Variants in TAMM41 observed in about 807,000 individuals in gnomAD.
TAMM41 encodes the protein phosphatidate cytidylyltransferase, mitochondrial.
In TAMM41, 36 loss-of-function variants were observed where a neutral mutation model predicts 44.1. That is an observed-to-expected ratio of 0.82 (90% CI 0.63 to 1.08). The LOEUF is 1.08. Among genes scored for constraint, TAMM41 ranks in the 50% least tolerant of loss-of-function variants. The pLI, the probability that TAMM41 is intolerant of heterozygous loss-of-function variation, is 0.00. For missense variants in TAMM41, 417 were observed against 404.3 expected, an observed-to-expected ratio of 1.03 and a Z score of -0.27; for synonymous variants, 164 against 153.1, an observed-to-expected ratio of 1.07 and a Z score of -0.53.
chr3:11,764,981 T>C, the TAMM41 span, among the ~76,000 whole-genome samples: 3 of 152,198 alleles, frequency 2.0e-5, 1 homozygote, highest in East Asian at 5.8e-4. Context: ...ATAAAATGCT[T>C]TGTGACTCAG....
chr3:11,733,588 G>A, the TAMM41 span, among the ~76,000 whole-genome samples: 1 of 151,720 alleles, frequency 6.6e-6, no homozygotes, highest in Non-Finnish European at 1.5e-5. Context: ...TGCCTCCCGG[G>A]TTCATGCCAT....
chr3:11,731,849 C>T, the TAMM41 span, among the ~76,000 whole-genome samples: 18,886 of 151,058 alleles, frequency 0.13, 1,576 homozygotes, highest in East Asian at 0.42. Flanking sequence ...TGGGGTTGCA[C>T]TGTGAGGGGT....
chr3:11,828,364 TATTCAGA>T (rs1340806370), intron 4 of TAMM41, among the ~76,000 whole-genome samples: 1 of 152,192 alleles, frequency 6.6e-6, no homozygotes, highest in Non-Finnish European at 1.5e-5. Context: ...TCCTTAGTAA[TATTCAGA>T]ATTTAGAAGG....
chr3:11,744,676 C>A, the TAMM41 span, among the ~76,000 whole-genome samples: 1 of 151,640 alleles, frequency 6.6e-6, no homozygotes, highest in Non-Finnish European at 1.5e-5. Context: ...GCCTAGGCGA[C>A]AGAGCAAGAC....
chr3:11,828,251 C>T (rs1460992586), intron 4 of TAMM41, among the ~76,000 whole-genome samples: 1 of 152,198 alleles, frequency 6.6e-6, no homozygotes, highest in Non-Finnish European at 1.5e-5. Context: ...ACCTTCATTA[C>T]TCTCTTCTTG....
Position 11,844,033 on chromosome 3 carries a change from C to T in TAMM41, c.314G>A (p.Gly105Asp), listed in dbSNP as rs140510518. The change falls in exon 2 of 8, where the codon GGT becomes GAT. Residue 105 changes from glycine (G) to aspartate (D), a missense_variant. Transcript: ENST00000455809. ...VYYNSLIMCN[G>D]RLIKYGVIST... ...CAAAGGCCAGCAGTCACTTACCCTACCATTACACATGATCAATGAATTGTA... is the reference window on the plus strand; with the variant it reads ...CAAAGGCCAGCAGTCACTTACCCTATCATTACACATGATCAATGAATTGTA... 47 of 1,613,672 alleles carry T rather than the reference C, an allele frequency of 2.9e-5. No homozygotes were observed. Among genetic ancestry groups the T allele is most frequent in the Middle Eastern group, 1.6e-4 (1 of 6,082 alleles).
At chr3:11,755,558 C>T in the TAMM41 span, among the ~76,000 whole-genome samples, 2 of 152,152 alleles carry the variant, frequency 1.3e-5, no homozygotes, top group Admixed American at 6.5e-5. Flanking sequence ...GAACTGCTGC[C>T]GAGCACTCTG....
chr3:11,824,284 G>T (rs1357252096), intron 4 of TAMM41, among the ~76,000 whole-genome samples: 1 of 151,740 alleles, frequency 6.6e-6, no homozygotes, highest in East Asian at 1.9e-4. Flanking sequence ...TCTGCTTCCT[G>T]GGTTCAAGCT....
At chr3:11,722,418 G>A in the TAMM41 span, among the ~76,000 whole-genome samples, 5 of 152,078 alleles carry the variant, frequency 3.3e-5, no homozygotes, top group African/African-American at 7.3e-5. Context: ...GAAGTGGAAC[G>A]TGGCAGACAC....
At chr3:11,729,539 A>ATTTTTTTTTTTTTTTT in the TAMM41 span, among the ~76,000 whole-genome samples, 26 of 32,292 alleles carry the variant, frequency 8.1e-4, 1 homozygote, top group Non-Finnish European at 1.4e-3. Flanking sequence ...TCTTTCTTTC[A>ATTTTTTTTTTTTTTTT]TTTTTTTTTT....
At chr3:11,793,083 A>AAAAAG (rs1553566249) in intron 7 of TAMM41, among the ~76,000 whole-genome samples, 4 of 132,618 alleles carry the variant, frequency 3.0e-5, no homozygotes, top group Non-Finnish European at 6.4e-5. Context: ...AAAAAAAAAA[A>AAAAAG]AGAGAGTGAA....
chr3:11,813,868 A>G lies in TAMM41; in HGVS notation c.708+3324T>C, dbSNP rs369025166. 6.4e-3 allele frequency among the ~76,000 whole-genome samples: 896 copies of G among 138,940 alleles called. 8 individuals carry two copies. The highest frequency in any genetic ancestry group is 0.023 in the African/African-American group (831 of 35,822). 91.2% of individuals were successfully genotyped at this position (138,940 alleles called of 152,430 possible). ...TGTGTGTGTGTGTGTATGTATGTAT[A>G]TATATGTATATATGTATATATGTGT... On this transcript the variant is annotated intron_variant, in intron 5 of 7. Coordinates refer to ENST00000455809, the MANE Select transcript of TAMM41 (RefSeq NM_001284401.2).
chr3:11,825,288 G>A (rs2078702252), intron 4 of TAMM41, among the ~76,000 whole-genome samples: 1 of 152,210 alleles, frequency 6.6e-6, no homozygotes, highest in Non-Finnish European at 1.5e-5. Context: ...TTTGGGTATT[G>A]TTCATGCTTT....
intron 7 of TAMM41, among the ~76,000 whole-genome samples, chr3:11,805,032 A>C (rs1228188170): frequency 8.0e-6 from 1 of 124,648 alleles, no homozygotes; most frequent in Admixed American, 8.8e-5. Context: ...TTTGAGACGA[A>C]GTCTCACTCT....
chr3:11,830,273 T>C (rs1049871702), intron 3 of TAMM41, among the ~76,000 whole-genome samples: 4 of 152,158 alleles, frequency 2.6e-5, no homozygotes, highest in African/African-American at 9.7e-5. Context: ...ATATCTAACA[T>C]AGGAAGTTCA....
At chr3:11,830,441 A>C (rs1255856063) in intron 3 of TAMM41, among the ~76,000 whole-genome samples, 1 of 152,232 alleles carries the variant, frequency 6.6e-6, no homozygotes, top group South Asian at 2.1e-4. Flanking sequence ...AATGATTTGC[A>C]TCAAAGAATC....
intron 7 of TAMM41, among the ~76,000 whole-genome samples, chr3:11,806,338 T>C (rs544682815): frequency 9.2e-5 from 14 of 152,278 alleles, no homozygotes; most frequent in African/African-American, 2.6e-4. Flanking sequence ...GAAAAGAGTA[T>C]TCTCCTACTC....
At chr3:11,781,811 C>T in the TAMM41 span, among the ~76,000 whole-genome samples, 1 of 151,186 alleles carries the variant, frequency 6.6e-6, no homozygotes, top group Non-Finnish European at 1.5e-5. Flanking sequence ...GGTTTTTGTC[C>T]CAGTCGTCAA....
intron 3 of TAMM41, among the ~76,000 whole-genome samples, chr3:11,836,319 A>G (rs1309693884): frequency 6.6e-6 from 1 of 151,794 alleles, no homozygotes; most frequent in Non-Finnish European, 1.5e-5. Context: ...ACCTTTGTGG[A>G]CCTTTATTCT....
Sources: allele counts gnomAD v4.1 joint callset (sites outside exome capture counted in the v4.1 genomes callset), GRCh38; gene constraint gnomAD v4.1.1; transcripts MANE v1.5; gene names NCBI Gene and HGNC (gene_info 2026-07-23, HGNC 2026-07-21).